Variants in RANBP2 observed in about 807,000 individuals in gnomAD.
RANBP2 encodes E3 SUMO-protein ligase RanBP2.
Under a neutral mutation model 303.6 loss-of-function variants are expected in RANBP2, and 57 were observed. That is an observed-to-expected ratio of 0.19 (90% CI 0.15 to 0.23). The LOEUF (loss-of-function observed/expected upper bound fraction) is 0.23. RANBP2 is among the 10% of genes least tolerant of loss of function. The pLI is 1.00. For synonymous variants in RANBP2, 1,167 were observed against 1,301.5 expected (o/e 0.90, Z 2.23); for missense variants, 3,138 against 3,780.8 (o/e 0.83, Z 4.46).
intron 4 of RANBP2, among the ~76,000 whole-genome samples, chr2:108,734,748 T>C (rs192138313): frequency 2.2e-4 from 34 of 152,020 alleles, no homozygotes; most frequent in African/African-American, 7.7e-4. Flanking sequence ...GTTTCGGTGG[T>C]ATGACCAAAA....
chr2:108,835,997 T>G, the RANBP2 span, among the ~76,000 whole-genome samples: 1 of 152,194 alleles, frequency 6.6e-6, no homozygotes, highest in Non-Finnish European at 1.5e-5. Context: ...CCCACACGCC[T>G]TTATTATAAT....
chr2:109,371,305 G>A, the RANBP2 span, among the ~76,000 whole-genome samples: 15 of 152,314 alleles, frequency 9.8e-5, no homozygotes, highest in Admixed American at 3.9e-4. Context: ...CAGGAGAATC[G>A]CTTGAACCCC....
the RANBP2 span, among the ~76,000 whole-genome samples, chr2:109,524,930 C>T: frequency 5.1e-4 from 78 of 152,148 alleles, no homozygotes; most frequent in African/African-American, 1.8e-3. Context: ...TCCTCCTCGG[C>T]GCAGATCTTC....
In RANBP2 at chr2:108,771,796, A is replaced by G; in HGVS notation, c.7945A>G (p.Thr2649Ala). The G allele has an allele frequency of 6.2e-7, 1 of 1,614,074 alleles. No homozygotes were observed. The highest frequency in any genetic ancestry group is 8.5e-7 in the Non-Finnish European group (1 of 1,179,956). The change falls in exon 21 of 29, where the codon ACC becomes GCC. Residue 2649 changes from threonine to alanine, a missense_variant. By Grantham distance (58) the Thr-to-Ala change is moderately conservative (BLOSUM62 0). Coordinates refer to ENST00000283195, the MANE Select transcript of RANBP2 (RefSeq NM_006267.5). ...TPTAEQKALATKLKLPPTFFC... is the reference protein window; with the variant it reads ...TPTAEQKALAAKLKLPPTFFC... ...AACCGCTGAGCAGAAAGCCCTTGCA[A>G]CCAAACTTAAACTTCCTCCAACTTT... is the stretch of plus-strand genomic sequence containing the variant.
chr2:109,575,929 T>G, the RANBP2 span, among the ~76,000 whole-genome samples: 1 of 152,210 alleles, frequency 6.6e-6, no homozygotes, highest in African/African-American at 2.4e-5. Flanking sequence ...ATGTGAGGAC[T>G]GAGACAGTAT....
the RANBP2 span, among the ~76,000 whole-genome samples, chr2:108,938,521 G>T: frequency 6.6e-6 from 1 of 152,320 alleles, no homozygotes; most frequent in East Asian, 1.9e-4. Context: ...TATCCATGCA[G>T]AAGTTCAGAG....
the RANBP2 span, among the ~76,000 whole-genome samples, chr2:109,259,143 C>T: frequency 2.6e-5 from 4 of 152,242 alleles, no homozygotes; most frequent in Admixed American, 1.3e-4. Flanking sequence ...ACATGCCACG[C>T]GGCTTGTGGC....
the RANBP2 span, among the ~76,000 whole-genome samples, chr2:109,429,408 T>G: frequency 2.0e-5 from 3 of 152,184 alleles, no homozygotes; most frequent in African/African-American, 7.2e-5. Context: ...AGGCCGAACT[T>G]AAAATAGAGA....
the RANBP2 span, among the ~76,000 whole-genome samples, chr2:109,154,118 G>T: frequency 6.6e-6 from 1 of 152,162 alleles, no homozygotes. Flanking sequence ...TATCTCGTGT[G>T]TTTAAAACTG....
At chr2:109,126,393 T>C in the RANBP2 span, among the ~76,000 whole-genome samples, 1 of 152,192 alleles carries the variant, frequency 6.6e-6, no homozygotes, top group Non-Finnish European at 1.5e-5. Context: ...GGCACGGGCA[T>C]CTGTGGTTCT....
the RANBP2 span, among the ~76,000 whole-genome samples, chr2:109,546,557 A>C: frequency 3.5e-3 from 532 of 152,196 alleles, 5 homozygotes; most frequent in African/African-American, 0.012. Flanking sequence ...AAGTCTCTCA[A>C]GTCCATGCTC....
chr2:109,333,093 T>C, the RANBP2 span, among the ~76,000 whole-genome samples: 1 of 152,226 alleles, frequency 6.6e-6, no homozygotes, highest in African/African-American at 2.4e-5. Flanking sequence ...CAGTGCTGCC[T>C]CAGTGCGTTC....
At chr2:109,340,654 A>T in the RANBP2 span, among the ~76,000 whole-genome samples, 5 of 152,178 alleles carry the variant, frequency 3.3e-5, no homozygotes, top group African/African-American at 1.2e-4. Flanking sequence ...CTCAGCAAGT[A>T]GTCAATGATC....
the RANBP2 span, among the ~76,000 whole-genome samples, chr2:109,374,070 TC>T: frequency 2.0e-5 from 3 of 152,080 alleles, no homozygotes; most frequent in African/African-American, 7.2e-5. Context: ...AAAGCCCTCC[TC>T]CCTCAGGGCC....
chr2:109,483,428 C>T, the RANBP2 span, among the ~76,000 whole-genome samples: 2 of 152,152 alleles, frequency 1.3e-5, no homozygotes, highest in Non-Finnish European at 2.9e-5. Flanking sequence ...CTCTCGGTGC[C>T]CAGCAAGAAA....
the RANBP2 span, among the ~76,000 whole-genome samples, chr2:109,240,708 C>A: frequency 6.6e-6 from 1 of 152,050 alleles, no homozygotes; most frequent in Non-Finnish European, 1.5e-5. Flanking sequence ...ATCTTCCCTC[C>A]CTCCCACCTC....
At chr2:109,068,264 C>T in the RANBP2 span, among the ~76,000 whole-genome samples, 1 of 152,176 alleles carries the variant, frequency 6.6e-6, no homozygotes, top group Non-Finnish European at 1.5e-5. Context: ...TGTCTACAGA[C>T]ATTTGGAGTG....
the RANBP2 span, among the ~76,000 whole-genome samples, chr2:109,748,710 G>A: frequency 2.1e-4 from 31 of 150,124 alleles, no homozygotes; most frequent in African/African-American, 6.9e-4. Context: ...CCATCTCTAC[G>A]AAAAACACAA....
At chr2:109,600,760 C>T in the RANBP2 span, among the ~76,000 whole-genome samples, 1 of 152,166 alleles carries the variant, frequency 6.6e-6, no homozygotes, top group African/African-American at 2.4e-5. Context: ...GCCCCATTCC[C>T]ACTCCACCTC....
Sources: allele counts gnomAD v4.1 joint callset (sites outside exome capture counted in the v4.1 genomes callset), GRCh38; gene constraint gnomAD v4.1.1; transcripts MANE v1.5; gene names NCBI Gene and HGNC (gene_info 2026-07-23, HGNC 2026-07-21).